SLC44A5: variants seen among roughly 807,000 people sequenced by gnomAD.
The protein encoded by SLC44A5 is solute carrier family 44 member 5.
In SLC44A5, 57 loss-of-function variants were observed where a neutral mutation model predicts 101.8. The observed-to-expected ratio is 0.56, with a 90% CI of 0.45 to 0.70. The LOEUF (loss-of-function observed/expected upper bound fraction) is 0.70, where lower values mean the gene tolerates loss of function less well. Among genes scored for constraint, SLC44A5 ranks in the 30% least tolerant of loss-of-function variants. SLC44A5 has a pLI of 0.00. For synonymous variants in SLC44A5, 281 were observed against 290.9 expected, an observed-to-expected ratio of 0.97 and a Z score of 0.35; for missense variants, 737 against 853.1, an observed-to-expected ratio of 0.86 and a Z score of 1.70.
chr1:75,681,243 C>G, the SLC44A5 span, among the ~76,000 whole-genome samples: 1 of 152,124 alleles, frequency 6.6e-6, no homozygotes, highest in Admixed American at 6.6e-5. Flanking sequence ...GGTAATCCTC[C>G]CTAACTCAGT....
At chr1:75,663,474 C>A in the SLC44A5 span, among the ~76,000 whole-genome samples, 2 of 152,090 alleles carry the variant, frequency 1.3e-5, no homozygotes, top group Admixed American at 6.6e-5. Flanking sequence ...TTTGTTGTAG[C>A]AGCCAAACAG....
the SLC44A5 span, among the ~76,000 whole-genome samples, chr1:75,706,943 G>T: frequency 6.6e-6 from 1 of 152,056 alleles, no homozygotes. Context: ...ATGACTGATT[G>T]TATCTCTAAA....
rs1655240288 is a variant in SLC44A5 at position 75,310,864 on chromosome 1, A to C, written c.102-10179T>G. ...CAAAATAGCAAGTAGTTAGATTTTA[A>C]CTCTGAATAATTTTATATCTTATAT... On this transcript the variant is annotated intron_variant, in intron 4 of 23. Coordinates refer to ENST00000370859, the MANE Select transcript of SLC44A5 (RefSeq NM_001130058.2). Among the ~76,000 whole-genome samples, 2 of 152,084 alleles carry C rather than the reference A, an allele frequency of 1.3e-5. 1 individual carries two copies. Among genetic ancestry groups the C allele is most frequent in the South Asian group, 4.1e-4 (2 of 4,828 alleles).
intron 2 of SLC44A5, among the ~76,000 whole-genome samples, chr1:75,482,661 C>T (rs1667939701): frequency 6.6e-6 from 1 of 152,050 alleles, no homozygotes; most frequent in African/African-American, 2.4e-5. Context: ...TAATACAAAT[C>T]TTCTATTTTT....
chr1:75,257,872 T>C (rs1477687130), intron 6 of SLC44A5, among the ~76,000 whole-genome samples: 7 of 151,964 alleles, frequency 4.6e-5, no homozygotes, highest in African/African-American at 1.5e-4. Flanking sequence ...GTGGGACTAG[T>C]TGGACAGTGG....
At chr1:75,507,365 T>C (rs755636714) in intron 2 of SLC44A5, among the ~76,000 whole-genome samples, 1 of 152,206 alleles carries the variant, frequency 6.6e-6, no homozygotes, top group Non-Finnish European at 1.5e-5. Context: ...GATTTGCATA[T>C]GTTGAACTGA....
intron 3 of SLC44A5, among the ~76,000 whole-genome samples, chr1:75,357,987 C>A (rs1339649631): frequency 6.8e-6 from 1 of 146,284 alleles, no homozygotes; most frequent in African/African-American, 2.5e-5. Flanking sequence ...TAGTTCTGTG[C>A]TTCTTCAATG....
chr1:75,378,095 C>T (rs545100915), intron 3 of SLC44A5, among the ~76,000 whole-genome samples: 3,950 of 80,762 alleles, frequency 0.049, 1,038 homozygotes, highest in Non-Finnish European at 0.063. Flanking sequence ...GGTGAAGGTA[C>T]GCTCGAGCGT....
intron 23 of SLC44A5, among the ~76,000 whole-genome samples, chr1:75,208,607 A>G (rs1469065778): frequency 1.3e-5 from 2 of 152,228 alleles, no homozygotes; most frequent in South Asian, 4.1e-4. Flanking sequence ...GATGGAAGAC[A>G]TAAACGGAAA....
chr1:75,477,060 C>G (rs1667462361), intron 2 of SLC44A5, among the ~76,000 whole-genome samples: 2 of 152,212 alleles, frequency 1.3e-5, no homozygotes, highest in African/African-American at 2.4e-5. Context: ...ACAAAACTTC[C>G]AGAGAAACGA....
At chr1:75,547,819 C>A (rs1288403217) in intron 1 of SLC44A5, among the ~76,000 whole-genome samples, 1 of 152,148 alleles carries the variant, frequency 6.6e-6, no homozygotes, top group African/African-American at 2.4e-5. Flanking sequence ...TAGACATCCA[C>A]CTTACAGTCC....
intron 2 of SLC44A5, among the ~76,000 whole-genome samples, chr1:75,421,728 A>G (rs542217766): frequency 1.3e-5 from 2 of 152,278 alleles, no homozygotes; most frequent in South Asian, 4.1e-4. Flanking sequence ...TGCTAAGGGG[A>G]AAAACACATA....
chr1:75,303,865 T>C (rs2100880586), intron 4 of SLC44A5, among the ~76,000 whole-genome samples: 1 of 152,212 alleles, frequency 6.6e-6, no homozygotes, highest in East Asian at 1.9e-4. Context: ...AATGACGAGT[T>C]AATGGGTGCA....
intron 2 of SLC44A5, among the ~76,000 whole-genome samples, chr1:75,416,828 AG>A (rs1301921499): frequency 2.0e-5 from 3 of 152,224 alleles, no homozygotes; most frequent in African/African-American, 7.2e-5. Context: ...TGGGGCCTGT[AG>A]CCCCTTTGTT....
At chr1:75,666,015 G>T in the SLC44A5 span, among the ~76,000 whole-genome samples, 36 of 152,276 alleles carry the variant, frequency 2.4e-4, no homozygotes, top group East Asian at 6.9e-3. Flanking sequence ...CTTATATACT[G>T]TTGATAGGAG....
chr1:75,589,264 C>T (rs1674204817), intron 1 of SLC44A5, among the ~76,000 whole-genome samples: 1 of 152,160 alleles, frequency 6.6e-6, no homozygotes, highest in Non-Finnish European at 1.5e-5. Context: ...TCTAGGCTTG[C>T]CAGAGTGCTG....
At chr1:75,711,318 C>T in the SLC44A5 span, among the ~76,000 whole-genome samples, 1 of 152,118 alleles carries the variant, frequency 6.6e-6, no homozygotes, top group African/African-American at 2.4e-5. Context: ...AAGACAACAG[C>T]CAGTTCTTGA....
chr1:75,407,473 A>T (rs10874261), intron 2 of SLC44A5, among the ~76,000 whole-genome samples: 1 of 152,052 alleles, frequency 6.6e-6, no homozygotes, highest in Non-Finnish European at 1.5e-5. Flanking sequence ...CTACAAGGCT[A>T]CAGTAACCAA....
intron 2 of SLC44A5, 157 bp from the exon 3 acceptor site, chr1:75,396,778 C>T (rs1367227611): frequency 5.0e-6 from 3 of 596,374 alleles, no homozygotes; most frequent in Non-Finnish European, 9.0e-6. Context: ...TCTTTATACA[C>T]AAAGCTGCCA....
Sources: allele counts gnomAD v4.1 joint callset (sites outside exome capture counted in the v4.1 genomes callset), GRCh38; gene constraint gnomAD v4.1.1; transcripts MANE v1.5; gene names NCBI Gene and HGNC (gene_info 2026-07-23, HGNC 2026-07-21).